Variants in FCHSD2 observed in about 807,000 individuals in gnomAD.
FCHSD2 encodes the protein FCH and double SH3 domains 2.
FCHSD2 carries 38 observed loss-of-function variants against 108.1 expected under a neutral mutation model. That is an observed-to-expected ratio of 0.35 (90% CI 0.27 to 0.46). The LOEUF (loss-of-function observed/expected upper bound fraction) is 0.46. Among genes scored for constraint, FCHSD2 ranks in the 20% least tolerant of loss-of-function variants. FCHSD2 has a pLI of 1.00. For synonymous variants in FCHSD2, 279 were observed against 314.7 expected (o/e 0.89, Z 1.20); for missense variants, 751 against 897.8 (o/e 0.84, Z 2.09).
chr11:72,980,681 A>G lies in FCHSD2; in HGVS notation c.705+3407T>C, dbSNP rs867220263. Reference sequence around the variant, plus strand: ...TATGTGTATGTGTGTGTGTGTATATATATATATATATATATAATGTATGTA... The same window carrying G: ...TATGTGTATGTGTGTGTGTGTATATGTATATATATATATATAATGTATGTA... On this transcript the variant is annotated intron_variant, in intron 8 of 19. Coordinates refer to ENST00000409418, the MANE Select transcript of FCHSD2 (RefSeq NM_014824.3). Among the ~76,000 whole-genome samples the G allele has an allele frequency of 2.2e-3, 329 of 147,290 alleles. 1 individual carries two copies. The highest frequency in any genetic ancestry group is 4.2e-3 in the African/African-American group (167 of 40,086).
intron 3 of FCHSD2, among the ~76,000 whole-genome samples, chr11:73,035,801 A>G (rs1858482289): frequency 6.6e-6 from 1 of 151,356 alleles, no homozygotes; most frequent in African/African-American, 2.4e-5. Context: ...GCTCACTGCA[A>G]CCTCTGCCTC....
At chr11:72,959,008 T>C (rs571666453) in intron 8 of FCHSD2, among the ~76,000 whole-genome samples, 1 of 151,918 alleles carries the variant, frequency 6.6e-6, no homozygotes, top group African/African-American at 2.4e-5. Context: ...TGTGTGTGTG[T>C]GTGTGTGTGT....
At chr11:73,119,242 G>A (rs1158686089) in intron 2 of FCHSD2, among the ~76,000 whole-genome samples, 1 of 151,148 alleles carries the variant, frequency 6.6e-6, no homozygotes, top group African/African-American at 2.4e-5. Context: ...GGCAGAGGTT[G>A]TAGTGAGCCA....
rs1465287605 is a variant in FCHSD2, at chr11:73,097,677, A to AT, written c.120-13938dup. On this transcript the variant is annotated intron_variant, in intron 2 of 19. Coordinates refer to ENST00000409418, the MANE Select transcript of FCHSD2 (RefSeq NM_014824.3). ...CCTTCACTTGTTATTGAGAATTTCT[A>AT]TTTTTTTCTGTAATCAGTTTTAGTA... Among the ~76,000 whole-genome samples, 91 of 74,178 alleles carry AT rather than the reference A, an allele frequency of 1.2e-3. 1 individual carries two copies. The highest frequency in any genetic ancestry group is 3.5e-4 in the Non-Finnish European group (12 of 34,466). 48.7% of individuals were successfully genotyped at this position (74,178 alleles called of 152,430 possible).
At chr11:72,950,844 C>T (rs1856608121) in intron 8 of FCHSD2, among the ~76,000 whole-genome samples, 1 of 152,156 alleles carries the variant, frequency 6.6e-6, no homozygotes, top group Non-Finnish European at 1.5e-5. Context: ...CCCTTTCTTC[C>T]TGGGCACATG....
chr11:73,126,066 G>A (rs1860847607), intron 2 of FCHSD2, among the ~76,000 whole-genome samples: 2 of 152,024 alleles, frequency 1.3e-5, no homozygotes, highest in East Asian at 3.9e-4. Flanking sequence ...CCACGGCCAG[G>A]TGCGGTGGCT....
At chr11:73,113,432 G>T (rs1247394269) in intron 2 of FCHSD2, among the ~76,000 whole-genome samples, 1 of 121,600 alleles carries the variant, frequency 8.2e-6, no homozygotes, top group Non-Finnish European at 1.6e-5. Context: ...GCAGTGATGT[G>T]ATCTTGGCTC....
At chr11:72,998,543 A>C (rs1297984035) in intron 5 of FCHSD2, among the ~76,000 whole-genome samples, 2 of 152,158 alleles carry the variant, frequency 1.3e-5, no homozygotes, top group Non-Finnish European at 2.9e-5. Context: ...TCTGTCTCAA[A>C]AAAAAAAAGT....
intron 2 of FCHSD2, among the ~76,000 whole-genome samples, chr11:73,135,905 T>C (rs1861109885): frequency 6.6e-6 from 1 of 152,172 alleles, no homozygotes; most frequent in Non-Finnish European, 1.5e-5. Context: ...GGCTCATTTC[T>C]GTAATCCCAG....
At chr11:73,035,696 T>A (rs7128514) in intron 3 of FCHSD2, among the ~76,000 whole-genome samples, 41,786 of 125,774 alleles carry the variant, frequency 0.33, 6,554 homozygotes, top group South Asian at 0.44. Flanking sequence ...AATGTTCAGT[T>A]TTTATTTATT....
At chr11:72,957,015 T>C (rs567435333) in intron 8 of FCHSD2, among the ~76,000 whole-genome samples, 2 of 67,890 alleles carry the variant, frequency 2.9e-5, no homozygotes, top group East Asian at 4.8e-4. Flanking sequence ...CAAAGGACTC[T>C]AGTCTTTTTT....
chr11:73,095,619 G>T (rs768893590), intron 2 of FCHSD2, among the ~76,000 whole-genome samples: 7 of 152,192 alleles, frequency 4.6e-5, no homozygotes, highest in African/African-American at 1.7e-4. Flanking sequence ...GAGGAGAAAG[G>T]TAAGGCATAA....
intron 10 of FCHSD2, among the ~76,000 whole-genome samples, chr11:72,901,397 AAAAAT>A (rs1475948210): frequency 2.0e-5 from 3 of 152,088 alleles, no homozygotes; most frequent in Non-Finnish European, 2.9e-5. Flanking sequence ...ACCCTGTCTC[AAAAAT>A]AAAATAATAA....
At chr11:72,989,412 G>C (rs1306055964) in intron 5 of FCHSD2, among the ~76,000 whole-genome samples, 1 of 152,124 alleles carries the variant, frequency 6.6e-6, no homozygotes, top group Non-Finnish European at 1.5e-5. Context: ...CACTGTTGGA[G>C]ATATCATGAT....
chr11:72,899,441 T>C (rs578176228), intron 10 of FCHSD2, among the ~76,000 whole-genome samples: 3 of 152,176 alleles, frequency 2.0e-5, no homozygotes, highest in Non-Finnish European at 4.4e-5. Context: ...CACGAGATAC[T>C]ATTTCATATC....
intron 2 of FCHSD2, among the ~76,000 whole-genome samples, chr11:73,137,711 G>A (rs1278699561): frequency 1.3e-5 from 2 of 152,166 alleles, no homozygotes; most frequent in African/African-American, 2.4e-5. Flanking sequence ...AAAAGTGGGA[G>A]GAAGGGTACC....
chr11:73,134,826 TG>T (rs554271660), intron 2 of FCHSD2, among the ~76,000 whole-genome samples: 1 of 152,118 alleles, frequency 6.6e-6, no homozygotes, highest in African/African-American at 2.4e-5. Context: ...TACTGTTTTC[TG>T]GGGGGGAGTT....
chr11:73,095,648 G>T (rs533136889), intron 2 of FCHSD2, among the ~76,000 whole-genome samples: 1 of 152,176 alleles, frequency 6.6e-6, no homozygotes, highest in African/African-American at 2.4e-5. Context: ...AACTCAAAGC[G>T]GGAGTACCTT....
At chr11:73,070,251 C>T (rs889197507) in intron 3 of FCHSD2, among the ~76,000 whole-genome samples, 2 of 152,108 alleles carry the variant, frequency 1.3e-5, no homozygotes, top group Non-Finnish European at 2.9e-5. Context: ...TCTAACAAGC[C>T]TCTTATATGG....
Sources: allele counts gnomAD v4.1 joint callset (sites outside exome capture counted in the v4.1 genomes callset), GRCh38; gene constraint gnomAD v4.1.1; transcripts MANE v1.5; gene names NCBI Gene and HGNC (gene_info 2026-07-23, HGNC 2026-07-21).